MAST2: variants seen among roughly 807,000 people sequenced by gnomAD.
The protein encoded by MAST2 is microtubule associated serine/threonine kinase 2.
A neutral mutation model predicts 147.4 loss-of-function variants in MAST2; 70 were observed. The observed-to-expected ratio is 0.47, with a 90% CI of 0.39 to 0.58. The LOEUF (loss-of-function observed/expected upper bound fraction) is 0.58. Among genes scored for constraint, MAST2 ranks in the 20% least tolerant of loss-of-function variants. MAST2 has a pLI of 0.00. For missense variants in MAST2, 2,080 were observed against 2,302.3 expected (o/e 0.90, Z 1.98); for synonymous variants, 869 against 896.8 (o/e 0.97, Z 0.55).
chr1:46,021,277 T>C (rs1366358814), intron 11 of MAST2, among the ~76,000 whole-genome samples: 2 of 152,200 alleles, frequency 1.3e-5, no homozygotes, highest in Non-Finnish European at 2.9e-5. Flanking sequence ...CTCAGGAACA[T>C]GAAGTCCTTG....
chr1:45,878,930 C>CT (rs34533331), intron 3 of MAST2, among the ~76,000 whole-genome samples: 67,235 of 145,754 alleles, frequency 0.46, 15,449 homozygotes, highest in East Asian at 0.62. Flanking sequence ...TCCCAGCAGG[C>CT]TTTTTTTTTT....
At chr1:45,821,509 T>TTTC (rs986258594) in intron 1 of MAST2, among the ~76,000 whole-genome samples, 10 of 141,084 alleles carry the variant, frequency 7.1e-5, no homozygotes, top group East Asian at 4.4e-4. Context: ...TGGTATGTTA[T>TTTC]TTCTTCTTTT....
intron 4 of MAST2, among the ~76,000 whole-genome samples, chr1:45,888,529 A>T (rs569608247): frequency 8.0e-4 from 120 of 150,068 alleles, no homozygotes; most frequent in African/African-American, 2.5e-3. Context: ...CGCCCGGCTA[A>T]TTTTTTGTGT....
At chr1:45,831,384 C>T (rs1256121465) in intron 3 of MAST2, among the ~76,000 whole-genome samples, 2 of 151,974 alleles carry the variant, frequency 1.3e-5, no homozygotes, top group Admixed American at 6.6e-5. Context: ...GTGGGAGTAG[C>T]GGGGAGGATG....
chr1:45,879,667 A>G (rs1404020666), intron 3 of MAST2, among the ~76,000 whole-genome samples: 1 of 151,896 alleles, frequency 6.6e-6, no homozygotes. Flanking sequence ...AAGGACTTGT[A>G]TTTAGAAGAT....
intron 5 of MAST2, among the ~76,000 whole-genome samples, chr1:45,993,553 G>A (rs1018213843): frequency 2.5e-4 from 38 of 151,932 alleles, no homozygotes; most frequent in South Asian, 1.5e-3. Flanking sequence ...GCATGGTGGC[G>A]CGTGCCTGTA....
chr1:45,974,062 G>T (rs1388905740), intron 5 of MAST2, among the ~76,000 whole-genome samples: 2 of 152,200 alleles, frequency 1.3e-5, no homozygotes, highest in Admixed American at 1.3e-4. Context: ...CAGTGTCTAT[G>T]TACATACACT....
rs573579111 is a variant in MAST2 at position 46,015,853 on chromosome 1, C to A, written c.1189-3743C>A. Among the ~76,000 whole-genome samples the A allele has an allele frequency of 1.4e-4, 22 of 152,252 alleles. 1 individual carries two copies. The East Asian group carries it at 4.0e-3, about 28-fold the overall frequency. ...TGCCAGCATCATCCTGATACCAAAG[C>A]CGGGCAGAGACACAACTAAAAAAGA... On this transcript the variant is annotated intron_variant, in intron 10 of 28. Transcript: ENST00000361297.
intron 3 of MAST2, among the ~76,000 whole-genome samples, chr1:45,836,311 G>A (rs1645099772): frequency 6.6e-6 from 1 of 152,090 alleles, no homozygotes; most frequent in Non-Finnish European, 1.5e-5. Flanking sequence ...GTGTCTTATT[G>A]TGGCTTTGAT....
chr1:45,930,595 C>T (rs1322810572), intron 4 of MAST2, among the ~76,000 whole-genome samples: 1 of 152,078 alleles, frequency 6.6e-6, no homozygotes, highest in Non-Finnish European at 1.5e-5. Context: ...AAAAGGGATG[C>T]TTTTTATTTC....
intron 1 of MAST2, among the ~76,000 whole-genome samples, chr1:45,809,191 G>C (rs376427247): frequency 6.6e-6 from 1 of 152,192 alleles, no homozygotes; most frequent in Non-Finnish European, 1.5e-5. Flanking sequence ...TCAGCCTCTA[G>C]TATTTTAACT....
intron 1 of MAST2, among the ~76,000 whole-genome samples, chr1:45,811,338 A>ATTTTTTTTTTT (rs57495413): frequency 1.8e-5 from 2 of 112,998 alleles, no homozygotes; most frequent in Non-Finnish European, 3.4e-5. Context: ...GTATTTTTGT[A>ATTTTTTTTTTT]TTTTTTTTTT....
chr1:46,031,396 G>C lies in MAST2; in HGVS notation c.2998G>C (p.Glu1000Gln), dbSNP rs1305687491. 5 of 1,611,680 alleles carry C rather than the reference G, an allele frequency of 3.1e-6. No homozygotes were observed. The African/African-American group carries it at 4.0e-5, about 13-fold the overall frequency. The change falls in exon 24 of 29, where the codon GAG (glutamate) becomes CAG (glutamine). Residue 1000 changes from glutamate (E) to glutamine (Q), a missense_variant. Transcript: ENST00000361297. The surrounding 1 kb of genome is among the most constrained non-coding windows in gnomAD (Gnocchi z 4.1). ...CTGCTTACTTGGGCCTACAGCTATG[G>C]AGACCCGAGGCCGTGGGACCTCACA... ...GRSSGSSPAM[E>Q]TRGRGTSQLA... is the part of the protein sequence containing the mutation.
rs2149360314 is a variant in MAST2, at chr1:46,035,853, G to GTC, written c.5186_5187dup (p.Glu1730LeufsTer7). The stretch of plus-strand genomic sequence containing the variant: ...ATCCCAGCCAGGGCTGGCTATGGGA[G>GTC]TCTGAGTGTGCACAAGCAGTGAAAG... On this transcript the variant is annotated frameshift_variant, in exon 29 of 29. Coordinates refer to ENST00000361297, the MANE Select transcript of MAST2 (RefSeq NM_015112.3). LOFTEE classifies it high-confidence loss of function. This position sits in a 1 kb window ranked among gnomAD's most constrained non-coding sequence, Gnocchi z 5.5. 2 of 1,614,112 alleles carry GTC rather than the reference G, an allele frequency of 1.2e-6. No individual in the cohort carries two copies. Among genetic ancestry groups the GTC allele is most frequent in the East Asian group, 4.5e-5 (2 of 44,860 alleles).
intron 3 of MAST2, among the ~76,000 whole-genome samples, chr1:45,848,844 C>G (rs1385806740): frequency 1.3e-5 from 2 of 152,122 alleles, no homozygotes; most frequent in Non-Finnish European, 2.9e-5. Context: ...ATCATCTTGG[C>G]CCAAAAGCTC....
chr1:46,034,683 A>T lies in MAST2; in HGVS notation c.4014A>T (p.Ala1338=), dbSNP rs886701099. The change falls in exon 29 of 29, where the codon GCA becomes GCT. Residue 1338 remains alanine (A), a synonymous_variant. Coordinates refer to ENST00000361297, the MANE Select transcript of MAST2 (RefSeq NM_015112.3). The part of the protein sequence containing the change: ...RQYRSPRRKS[A]GSIPLSPLAH... Reference sequence around the variant, plus strand: ...ACCGCTCTCCACGGCGCAAGTCAGCAGGCAGCATCCCACTGTCACCACTGG... The same window carrying T: ...ACCGCTCTCCACGGCGCAAGTCAGCTGGCAGCATCCCACTGTCACCACTGG... 1 of 1,614,012 alleles carries T rather than the reference A, an allele frequency of 6.2e-7. No individual in the cohort carries two copies. The highest frequency in any genetic ancestry group is 1.3e-5 in the African/African-American group (1 of 74,910).
At chr1:45,955,359 G>A (rs540485234) in intron 4 of MAST2, among the ~76,000 whole-genome samples, 12 of 151,970 alleles carry the variant, frequency 7.9e-5, no homozygotes, top group Admixed American at 3.9e-4. Context: ...CTAATACAAA[G>A]CAAATCCCTG....
intron 4 of MAST2, among the ~76,000 whole-genome samples, chr1:45,907,609 A>G (rs914595203): frequency 2.6e-5 from 4 of 152,046 alleles, no homozygotes; most frequent in Admixed American, 6.6e-5. Flanking sequence ...TAAGTATACA[A>G]TGTAATGACA....
chr1:45,931,144 C>T (rs1056169189), intron 4 of MAST2, among the ~76,000 whole-genome samples: 1 of 152,120 alleles, frequency 6.6e-6, no homozygotes, highest in Admixed American at 6.5e-5. Context: ...CAGAAGGCTC[C>T]GATCCAGGAT....
Sources: allele counts gnomAD v4.1 joint callset (sites outside exome capture counted in the v4.1 genomes callset), GRCh38; gene constraint gnomAD v4.1.1; non-coding constraint Gnocchi (gnomAD v3.1); transcripts MANE v1.5; gene names NCBI Gene and HGNC (gene_info 2026-07-23, HGNC 2026-07-21).